The following ANKRD30B variants were observed in gnomAD, a reference collection of about 807,000 sequenced individuals.
ANKRD30B encodes the protein ankyrin repeat domain 30B, also known as ankyrin repeat domain-containing protein 30B.
Under a neutral mutation model 202.2 loss-of-function variants are expected in ANKRD30B, and 144 were observed. That is an observed-to-expected ratio of 0.71 (90% CI 0.62 to 0.82). ANKRD30B has a LOEUF of 0.82. ANKRD30B is among the 40% of genes least tolerant of loss of function. The pLI is 0.00. For missense variants in ANKRD30B, 1,487 were observed against 1,669.1 expected, an observed-to-expected ratio of 0.89 and a Z score of 1.90; for synonymous variants, 508 against 561.3, an observed-to-expected ratio of 0.91 and a Z score of 1.34.
intron 36 of ANKRD30B, among the ~76,000 whole-genome samples, chr18:14,839,796 C>T (rs1333186191): frequency 6.6e-6 from 1 of 152,088 alleles, no homozygotes; most frequent in Non-Finnish European, 1.5e-5. Context: ...CTAAATGAAA[C>T]AGCTTTTAAC....
chr18:14,780,147 T>G (rs1967631283), intron 11 of ANKRD30B, 126 bp downstream of exon 11: 1 of 742,596 alleles, frequency 1.3e-6, no homozygotes. Flanking sequence ...ATTCTGATAT[T>G]TCTAAAAACA....
At chr18:14,856,499 C>T (rs547577651), downstream of ANKRD30B, among the ~76,000 whole-genome samples, 590 of 141,026 alleles carry the variant, frequency 4.2e-3, 14 homozygotes, top group African/African-American at 0.012. Flanking sequence ...AGACAATGGG[C>T]GGCTGGGGAG....
At chr18:14,805,114 A>C (rs1434649720) in intron 24 of ANKRD30B, among the ~76,000 whole-genome samples, 1 of 150,704 alleles carries the variant, frequency 6.6e-6, no homozygotes, top group Non-Finnish European at 1.5e-5. Context: ...TTTGAATAAG[A>C]CATACTAGAA....
chr18:14,768,579 T>A (rs1916613419), intron 7 of ANKRD30B, among the ~76,000 whole-genome samples: 1 of 152,188 alleles, frequency 6.6e-6, no homozygotes, highest in Non-Finnish European at 1.5e-5. Context: ...GACAACTTGC[T>A]GGTTTCTGCT....
intron 30 of ANKRD30B, among the ~76,000 whole-genome samples, chr18:14,822,210 A>G (rs1970456640): frequency 6.6e-6 from 1 of 151,968 alleles, no homozygotes; most frequent in Non-Finnish European, 1.5e-5. Flanking sequence ...TGGTATTAGG[A>G]TTTTCTGCTT....
intron 14 of ANKRD30B, among the ~76,000 whole-genome samples, chr18:14,785,656 C>A (rs1968032793): frequency 6.6e-6 from 1 of 152,134 alleles, no homozygotes; most frequent in Non-Finnish European, 1.5e-5. Flanking sequence ...CTGAAACGAT[C>A]CAGGGTATGC....
At chr18:14,780,451 A>C (rs1967653487) in intron 11 of ANKRD30B, among the ~76,000 whole-genome samples, 1 of 152,092 alleles carries the variant, frequency 6.6e-6, no homozygotes, top group Non-Finnish European at 1.5e-5. Context: ...TCTCCAAAAA[A>C]AAAATACTTA....
chr18:14,854,524 T>A lies in ANKRD30B; in HGVS notation c.*366T>A, dbSNP rs1015726190. Among the ~76,000 whole-genome samples the A allele has an allele frequency of 3.3e-5, 5 of 152,202 alleles. No homozygotes were observed. The highest frequency in any genetic ancestry group is 5.9e-5 in the Non-Finnish European group (4 of 68,040). ...CTGACACGTTCAGTGTTTTCAGTTA[T>A]TTTTCTTGGCTGTAGGAATGTCACA... On this transcript the variant is annotated 3_prime_UTR_variant, in exon 44 of 44. Transcript: ENST00000690538.
At position 14,772,213 on chromosome 18, in the gene ANKRD30B, T is replaced by C; in HGVS notation, c.1314T>C (p.Phe438=). The change falls in exon 9 of 44, where the codon TTT becomes TTC. Residue 438 remains phenylalanine (F), a synonymous_variant. Coordinates refer to ENST00000690538, the MANE Select transcript of ANKRD30B (RefSeq NM_001367607.2). ...NSQCTKVEED[F]NLATKIISKS... Reference sequence around the variant, plus strand: ...AGTGTACAAAAGTTGAGGAAGACTTTAATCTTGCTACCAAGGTAAAATGTT... The same window carrying C: ...AGTGTACAAAAGTTGAGGAAGACTTCAATCTTGCTACCAAGGTAAAATGTT... 4 of 1,504,474 alleles carry C rather than the reference T, an allele frequency of 2.7e-6. No individual in the cohort carries two copies. The highest frequency in any genetic ancestry group is 3.6e-6 in the Non-Finnish European group (4 of 1,120,050). 93.2% of individuals were successfully genotyped at this position (1,504,474 alleles called of 1,614,324 possible).
chr18:14,809,910 A>T (rs1472409564), intron 26 of ANKRD30B, 76 bp from the exon 27 acceptor site: 4 of 1,275,380 alleles, frequency 3.1e-6, no homozygotes, highest in Non-Finnish European at 3.4e-6. Context: ...TCATCTTCAT[A>T]TTCACACTCT....
At chr18:14,837,759 C>T (rs1971240655) in intron 36 of ANKRD30B, 83 bp downstream of exon 36, 18 of 1,221,266 alleles carry the variant, frequency 1.5e-5, no homozygotes, top group Non-Finnish European at 1.9e-5. Context: ...TGACTTTATT[C>T]TCTCACCTCT....
chr18:14,822,926 C>T (rs1175398483), intron 32 of ANKRD30B, among the ~76,000 whole-genome samples: 1 of 67,244 alleles, frequency 1.5e-5, no homozygotes, highest in Non-Finnish European at 2.7e-5. Context: ...ATAAAGTTTC[C>T]AATTTGCAAT....
At chr18:14,881,678 A>G in the ANKRD30B span, among the ~76,000 whole-genome samples, 4 of 151,794 alleles carry the variant, frequency 2.6e-5, no homozygotes, top group South Asian at 4.2e-4. Context: ...CTTTGAATGA[A>G]AGAAGACATT....
the ANKRD30B span, among the ~76,000 whole-genome samples, chr18:14,885,436 G>A: frequency 6.6e-6 from 1 of 151,974 alleles, no homozygotes; most frequent in Admixed American, 6.6e-5. Flanking sequence ...ATACATTATG[G>A]AGTAAGATGC....
chr18:14,763,555 A>G, intron 6 of ANKRD30B, 131 bp from the exon 7 acceptor site: 1 of 1,313,418 alleles, frequency 7.6e-7, no homozygotes, highest in Non-Finnish European at 1.0e-6. Context: ...ATCAAAAAAA[A>G]GAGAAGAGAG....
At chr18:14,780,942 A>G (rs1967692910) in intron 11 of ANKRD30B, among the ~76,000 whole-genome samples, 1 of 152,230 alleles carries the variant, frequency 6.6e-6, no homozygotes, top group Non-Finnish European at 1.5e-5. Flanking sequence ...TGCTTATAGC[A>G]ACATAAGTAT....
the ANKRD30B span, among the ~76,000 whole-genome samples, chr18:14,932,098 T>G: frequency 1.5e-5 from 2 of 133,920 alleles, no homozygotes; most frequent in African/African-American, 5.6e-5. Flanking sequence ...ATTTAGCACA[T>G]ATTTTCTTCA....
the ANKRD30B span, among the ~76,000 whole-genome samples, chr18:14,940,674 A>G: frequency 6.6e-6 from 1 of 152,218 alleles, no homozygotes; most frequent in South Asian, 2.1e-4. Context: ...CTTTCTAGAG[A>G]GAAAACTCTC....
At chr18:14,930,803 A>G in the ANKRD30B span, among the ~76,000 whole-genome samples, 1 of 152,108 alleles carries the variant, frequency 6.6e-6, no homozygotes, top group Non-Finnish European at 1.5e-5. Context: ...GTCCTCACAG[A>G]TCTCCAGGTA....
Sources: allele counts gnomAD v4.1 joint callset (sites outside exome capture counted in the v4.1 genomes callset), GRCh38; gene constraint gnomAD v4.1.1; transcripts MANE v1.5; gene names NCBI Gene and HGNC (gene_info 2026-07-23, HGNC 2026-07-21).